ITPR1: variants seen among roughly 807,000 people sequenced by gnomAD.
The protein encoded by ITPR1 is inositol 1,4,5-trisphosphate receptor type 1.
Under a neutral mutation model 318.4 loss-of-function variants are expected in ITPR1, and 96 were observed. The ratio of observed to expected loss-of-function variants is 0.30; its 90% CI spans 0.26 to 0.36. The LOEUF (loss-of-function observed/expected upper bound fraction) is 0.36. Ranked by LOEUF, ITPR1 falls within the 10% of genes least tolerant of loss-of-function variation. The pLI is 1.00. For missense variants in ITPR1, 2,440 were observed against 3,460.2 expected, an observed-to-expected ratio of 0.71 and a Z score of 7.40; for synonymous variants, 1,312 against 1,289.9, an observed-to-expected ratio of 1.02 and a Z score of -0.37.
At chr3:4,536,189 G>A (rs748977452) in intron 4 of ITPR1, among the ~76,000 whole-genome samples, 9 of 152,194 alleles carry the variant, frequency 5.9e-5, no homozygotes, top group Non-Finnish European at 1.2e-4. Context: ...GTTTATCACT[G>A]ATTGGAAACA....
intron 55 of ITPR1, among the ~76,000 whole-genome samples, chr3:4,808,011 C>T (rs2048698945): frequency 6.6e-6 from 1 of 152,238 alleles, no homozygotes; most frequent in African/African-American, 2.4e-5. Context: ...CAATCTGCCT[C>T]CAGTTGGCTT....
intron 4 of ITPR1, among the ~76,000 whole-genome samples, chr3:4,533,220 A>G (rs1362642640): frequency 6.6e-6 from 1 of 152,244 alleles, no homozygotes; most frequent in Non-Finnish European, 1.5e-5. Context: ...GAAAAAATGA[A>G]CAAATAGAAA....
chr3:4,663,297 G>A, intron 16 of ITPR1, 91 bp downstream of exon 16: 1 of 1,257,490 alleles, frequency 8.0e-7, no homozygotes, highest in South Asian at 1.7e-5. Flanking sequence ...AGCACTTTGG[G>A]AAGCCGAGGT....
In ITPR1 at chr3:4,707,593, G is replaced by A. The variant is rs80066307; in HGVS notation, c.4842+1242G>A. On this transcript the variant is annotated intron_variant, in intron 37 of 61. Coordinates refer to ENST00000649015, the MANE Select transcript of ITPR1 (RefSeq NM_001378452.1). ...GTCTCAAAGGTTCACTCCAGTTCAG[G>A]GGGAGGGAATCTAGACCATCATTCA... is the stretch of plus-strand genomic sequence containing the variant. Among the ~76,000 whole-genome samples, 73 of 152,274 alleles carry A rather than the reference G, an allele frequency of 4.8e-4. 1 individual carries two copies. The highest frequency in any genetic ancestry group is 1.6e-3 in the African/African-American group (68 of 41,542).
At chr3:4,811,088 A>G (rs2048912340) in intron 55 of ITPR1, among the ~76,000 whole-genome samples, 177 bp from the exon 56 acceptor site, 1 of 151,612 alleles carries the variant, frequency 6.6e-6, no homozygotes, top group Non-Finnish European at 1.5e-5. Context: ...ATTTTTCCTC[A>G]TTTTTACCAT....
chr3:4,717,507 T>A (rs916757517), intron 40 of ITPR1, 108 bp downstream of exon 40: 18 of 899,630 alleles, frequency 2.0e-5, no homozygotes, highest in Non-Finnish European at 3.3e-5. Context: ...GTCGAGTATC[T>A]GGCTTTGTGT....
At chr3:4,656,018 G>A (rs2093700128) in intron 12 of ITPR1, among the ~76,000 whole-genome samples, 1 of 152,096 alleles carries the variant, frequency 6.6e-6, no homozygotes. Flanking sequence ...TGTGGTTTTT[G>A]CCTCGGACCT....
chr3:4,524,706 A>G (rs1421538741), intron 4 of ITPR1, among the ~76,000 whole-genome samples: 1 of 152,204 alleles, frequency 6.6e-6, no homozygotes, highest in African/African-American at 2.4e-5. Context: ...AATATTCCCC[A>G]TGGCTTCTGA....
chr3:4,561,290 C>T (rs927886995), intron 4 of ITPR1, among the ~76,000 whole-genome samples: 4 of 152,148 alleles, frequency 2.6e-5, no homozygotes, highest in African/African-American at 4.8e-5. Flanking sequence ...TGGAGAAGGA[C>T]GACGTGGAAT....
intron 4 of ITPR1, among the ~76,000 whole-genome samples, chr3:4,553,540 C>T (rs1245443382): frequency 2.0e-5 from 3 of 152,066 alleles, no homozygotes; most frequent in African/African-American, 7.2e-5. Context: ...AAGCAGTCCT[C>T]CCACCTCAGC....
intron 54 of ITPR1, among the ~76,000 whole-genome samples, chr3:4,802,108 C>T (rs893597900): frequency 2.0e-5 from 3 of 152,176 alleles, no homozygotes; most frequent in African/African-American, 7.2e-5. Context: ...ATTGAATCCG[C>T]ATGAAAAATG....
intron 4 of ITPR1, among the ~76,000 whole-genome samples, chr3:4,586,398 C>T (rs1164849021): frequency 6.6e-6 from 1 of 152,080 alleles, no homozygotes; most frequent in Non-Finnish European, 1.5e-5. Flanking sequence ...ACATGGTTAG[C>T]TAGAAGTGTT....
intron 55 of ITPR1, among the ~76,000 whole-genome samples, chr3:4,807,846 T>C (rs1053811018): frequency 1.3e-5 from 2 of 152,248 alleles, no homozygotes; most frequent in Non-Finnish European, 2.9e-5. Flanking sequence ...CATGCCATCA[T>C]GTCCCTGGAC....
chr3:4,761,229 G>A (rs1157615475), intron 44 of ITPR1, among the ~76,000 whole-genome samples: 1 of 152,126 alleles, frequency 6.6e-6, no homozygotes. Context: ...GTTCACCCAG[G>A]TGGTGAACAT....
intron 40 of ITPR1, among the ~76,000 whole-genome samples, chr3:4,724,008 G>T (rs2042339906): frequency 6.6e-6 from 1 of 152,096 alleles, no homozygotes. Context: ...TGCATTCTTG[G>T]ATTGTGATCT....
chr3:4,779,441 G>T lies in ITPR1; in HGVS notation c.6292-109G>T. ...CCAGAGCTTCCTCATGGGGTGAAAT[G>T]TTCGTCTGTTTAGCCGGGATGCCTC... On this transcript the variant is annotated intron_variant, in intron 48 of 61. Transcript: ENST00000649015. The surrounding 1 kb of genome is among the most constrained non-coding windows in gnomAD (Gnocchi z 4.0). The T allele has an allele frequency of 1.3e-6, 1 of 751,912 alleles. No individual in the cohort carries two copies. 46.6% of individuals were successfully genotyped at this position (751,912 alleles called of 1,614,324 possible).
chr3:4,619,270 G>C (rs1245708670), intron 4 of ITPR1, among the ~76,000 whole-genome samples: 1 of 151,952 alleles, frequency 6.6e-6, no homozygotes, highest in Non-Finnish European at 1.5e-5. Context: ...GGAATTACTG[G>C]GTTCTTTCAA....
chr3:4,559,742 T>G lies in ITPR1; in HGVS notation c.163+38648T>G, dbSNP rs1209001549. Among the ~76,000 whole-genome samples the G allele has an allele frequency of 2.0e-5, 3 of 152,324 alleles. No individual in the cohort carries two copies. In the East Asian group the frequency reaches 5.8e-4, roughly 29 times the overall value. On this transcript the variant is annotated intron_variant, in intron 4 of 61. Transcript: ENST00000649015. ...AATTATTTTTATCCATACCACACAC[T>G]GTGGGAGAATCCATATAATCCACAC...
At chr3:4,762,951 A>G (rs183238618) in intron 44 of ITPR1, among the ~76,000 whole-genome samples, 225 of 152,384 alleles carry the variant, frequency 1.5e-3, no homozygotes, top group African/African-American at 5.0e-3. Context: ...ACGCCCATCA[A>G]TGATAGACTG....
Sources: allele counts gnomAD v4.1 joint callset (sites outside exome capture counted in the v4.1 genomes callset), GRCh38; gene constraint gnomAD v4.1.1; non-coding constraint Gnocchi (gnomAD v3.1); transcripts MANE v1.5; gene names NCBI Gene and HGNC (gene_info 2026-07-23, HGNC 2026-07-21).